ROBO2: variants seen among roughly 807,000 people sequenced by gnomAD.
ROBO2 encodes the protein roundabout homolog 2.
ROBO2 carries 53 observed loss-of-function variants against 160.8 expected under a neutral mutation model. The observed-to-expected ratio is 0.33, with a 90% CI of 0.26 to 0.41. The LOEUF is 0.41. ROBO2 is among the 10% of genes least tolerant of loss of function. ROBO2 has a pLI of 1.00. For missense variants in ROBO2, 1,577 were observed against 1,722.4 expected (o/e 0.92, Z 1.49); for synonymous variants, 664 against 611.7 (o/e 1.09, Z -1.26).
At chr3:77,643,696 T>A (rs1417095686) in intron 24 of ROBO2, among the ~76,000 whole-genome samples, 1 of 152,186 alleles carries the variant, frequency 6.6e-6, no homozygotes. Context: ...TGAAAAAATG[T>A]CTTTTCACTT....
At chr3:77,438,078 C>A (rs1176278542) in intron 2 of ROBO2, among the ~76,000 whole-genome samples, 4 of 151,862 alleles carry the variant, frequency 2.6e-5, no homozygotes, top group Non-Finnish European at 4.4e-5. Flanking sequence ...TTCTCTTTGG[C>A]ATATGCTTAG....
chr3:76,599,606 G>A (rs1293833532), intron 2 of ROBO2, among the ~76,000 whole-genome samples: 1 of 151,978 alleles, frequency 6.6e-6, no homozygotes, highest in Non-Finnish European at 1.5e-5. Flanking sequence ...CTATCTTTAG[G>A]TTTTTGAGGA....
At chr3:76,097,053 C>G (rs2069482216) in intron 2 of ROBO2, among the ~76,000 whole-genome samples, 1 of 151,834 alleles carries the variant, frequency 6.6e-6, no homozygotes, top group Admixed American at 6.6e-5. Context: ...GCAACATTAT[C>G]TATGATTAAA....
intron 2 of ROBO2, among the ~76,000 whole-genome samples, chr3:76,904,073 A>G (rs1339955778): frequency 2.6e-5 from 4 of 152,168 alleles, no homozygotes; most frequent in Non-Finnish European, 5.9e-5. Context: ...TTTTTTGTTA[A>G]TCATTGCATA....
At chr3:76,924,577 T>G (rs962454769) in intron 2 of ROBO2, among the ~76,000 whole-genome samples, 5 of 152,260 alleles carry the variant, frequency 3.3e-5, no homozygotes, top group South Asian at 2.1e-4. Flanking sequence ...TAAGACATGC[T>G]CCTATATTTT....
rs970307982 is a variant in ROBO2 at position 77,534,778 on chromosome 3, A to G, written c.935-11560A>G. On this transcript the variant is annotated intron_variant, in intron 6 of 25. Transcript: ENST00000461745. ...CAGATTTACTGAGGTTATTATTTTCATCTCCCCTACAAAACTGTTAGCTCT... is the reference window on the plus strand; with the variant it reads ...CAGATTTACTGAGGTTATTATTTTCGTCTCCCCTACAAAACTGTTAGCTCT... Among the ~76,000 whole-genome samples the G allele has an allele frequency of 9.9e-5, 15 of 152,260 alleles. No homozygotes were observed. The East Asian group carries it at 2.9e-3, about 29-fold the overall frequency.
At chr3:77,482,541 C>G (rs1156863280) in intron 4 of ROBO2, among the ~76,000 whole-genome samples, 1 of 152,066 alleles carries the variant, frequency 6.6e-6, no homozygotes, top group African/African-American at 2.4e-5. Flanking sequence ...AGCTTGAAGT[C>G]CCAAATGACA....
chr3:76,333,985 C>T (rs1044124667), intron 2 of ROBO2, among the ~76,000 whole-genome samples: 8 of 152,084 alleles, frequency 5.3e-5, no homozygotes, highest in Admixed American at 3.3e-4. Flanking sequence ...CACACTGGGG[C>T]CTCTTGTGGG....
chr3:77,615,685 G>A (rs1464306686), intron 21 of ROBO2, among the ~76,000 whole-genome samples: 1 of 152,114 alleles, frequency 6.6e-6, no homozygotes, highest in Non-Finnish European at 1.5e-5. Flanking sequence ...TTTTAGCAAC[G>A]AATAATATTC....
At chr3:76,854,694 G>C (rs1364984922) in intron 2 of ROBO2, among the ~76,000 whole-genome samples, 1 of 152,088 alleles carries the variant, frequency 6.6e-6, no homozygotes, top group African/African-American at 2.4e-5. Context: ...AAATATTTTA[G>C]TTGTTGAGTA....
At chr3:77,220,862 G>A (rs1051190710) in intron 2 of ROBO2, among the ~76,000 whole-genome samples, 1 of 151,936 alleles carries the variant, frequency 6.6e-6, no homozygotes, top group Non-Finnish European at 1.5e-5. Context: ...CACCTCCTAA[G>A]TATTGCTATG....
In ROBO2 at chr3:77,638,818, CTT is replaced by C. The variant is rs34034420; in HGVS notation, c.3934+3799_3934+3800del. Among the ~76,000 whole-genome samples, 475 of 51,238 alleles carry C rather than the reference CTT, an allele frequency of 9.3e-3. 1 individual carries two copies. Among genetic ancestry groups the C allele is most frequent in the African/African-American group, 0.037 (454 of 12,254 alleles). 33.6% of individuals were successfully genotyped at this position (51,238 alleles called of 152,430 possible). On this transcript the variant is annotated intron_variant, in intron 24 of 25. Coordinates refer to ENST00000461745, the Ensembl canonical transcript of ROBO2. The stretch of plus-strand genomic sequence containing the variant: ...CCAGCCTATTCTCCCTTTCACCTAG[CTT>C]TTTTTTTTTTTTTTTTTTTTTTTGA...
intron 20 of ROBO2, among the ~76,000 whole-genome samples, chr3:77,606,729 A>G (rs1325313999): frequency 2.6e-5 from 4 of 152,212 alleles, no homozygotes; most frequent in Non-Finnish European, 5.9e-5. Context: ...GTAGGCTTCT[A>G]GTGATATTAT....
chr3:77,366,596 G>T (rs1042126962), intron 2 of ROBO2, among the ~76,000 whole-genome samples: 4 of 152,144 alleles, frequency 2.6e-5, no homozygotes, highest in African/African-American at 9.7e-5. Flanking sequence ...GTATGCCTGA[G>T]GCTGAGTAAT....
intron 2 of ROBO2, among the ~76,000 whole-genome samples, chr3:76,867,069 A>G (rs1195012346): frequency 6.6e-6 from 1 of 152,162 alleles, no homozygotes; most frequent in East Asian, 1.9e-4. Context: ...AAGCAAGGAA[A>G]AGGGGAGGAC....
At chr3:76,301,813 G>A (rs921928907) in intron 2 of ROBO2, among the ~76,000 whole-genome samples, 2 of 152,046 alleles carry the variant, frequency 1.3e-5, no homozygotes, top group African/African-American at 4.8e-5. Flanking sequence ...TAGCCGAAGG[G>A]TTGTAAGTGG....
rs148221571 is a variant in ROBO2 at position 77,545,818 on chromosome 3, C to A, written c.935-520C>A. Among the ~76,000 whole-genome samples, 482 of 152,160 alleles carry A rather than the reference C, an allele frequency of 3.2e-3. 1 individual carries two copies. Among genetic ancestry groups the A allele is most frequent in the African/African-American group, 0.011 (461 of 41,544 alleles). ...TCTTCAATTCTTCAATGTCTTTAATCTTTCAACTCTTGAATTCTAGATATA... is the reference window on the plus strand; with the variant it reads ...TCTTCAATTCTTCAATGTCTTTAATATTTCAACTCTTGAATTCTAGATATA... On this transcript the variant is annotated intron_variant, in intron 6 of 25. Transcript: ENST00000461745.
At chr3:76,184,816 T>G (rs1285352358) in intron 2 of ROBO2, among the ~76,000 whole-genome samples, 2 of 152,114 alleles carry the variant, frequency 1.3e-5, no homozygotes, top group Non-Finnish European at 2.9e-5. Flanking sequence ...CTCCAAAGGC[T>G]GAGAAGCCTA....
chr3:76,610,442 C>T (rs1240368754), intron 2 of ROBO2, among the ~76,000 whole-genome samples: 3 of 152,136 alleles, frequency 2.0e-5, no homozygotes, highest in South Asian at 4.1e-4. Flanking sequence ...CCACCTTGGG[C>T]GCCAGTGTCT....
Sources: allele counts gnomAD v4.1 joint callset (sites outside exome capture counted in the v4.1 genomes callset), GRCh38; gene constraint gnomAD v4.1.1; transcripts MANE v1.5; gene names NCBI Gene and HGNC (gene_info 2026-07-23, HGNC 2026-07-21).